Variants in RFX2 observed in about 807,000 individuals in gnomAD.
RFX2 encodes the protein regulatory factor X2.
In RFX2, 20 loss-of-function variants were observed where a neutral mutation model predicts 87.8. That is an observed-to-expected ratio of 0.23 (90% CI 0.16 to 0.33). The LOEUF (loss-of-function observed/expected upper bound fraction) is 0.33. RFX2 is among the 10% of genes least tolerant of loss of function. The pLI, the probability that RFX2 is intolerant of heterozygous loss-of-function variation, is 1.00. For synonymous variants in RFX2, 397 were observed against 431.3 expected (o/e 0.92, Z 0.98); for missense variants, 767 against 1,012.3 (o/e 0.76, Z 3.29).
chr19:6,028,268 A>G (rs759301133), intron 5 of RFX2, among the ~76,000 whole-genome samples: 7 of 151,936 alleles, frequency 4.6e-5, no homozygotes, highest in Non-Finnish European at 1.0e-4. Flanking sequence ...AAATCTGTAG[A>G]GTGCGTGACT....
chr19:6,057,894 G>A lies in RFX2; in HGVS notation c.-8-10390C>T, dbSNP rs75915449. 3.3e-5 allele frequency among the ~76,000 whole-genome samples: 5 copies of A among 152,070 alleles called. No homozygotes were observed. The South Asian group carries it at 6.2e-4, about 19-fold the overall frequency. Reference sequence around the variant, plus strand: ...GCTCCCCTCTGAGGGCCAGGTCCTCGGAGTAAGTGATGCGTGTTTTAAGAT... The same window carrying A: ...GCTCCCCTCTGAGGGCCAGGTCCTCAGAGTAAGTGATGCGTGTTTTAAGAT... On this transcript the variant is annotated intron_variant, in intron 1 of 17. Transcript: ENST00000303657.
intron 1 of RFX2, chr19:6,077,167 G>C (rs1430456106): frequency 2.6e-5 from 4 of 152,218 alleles, no homozygotes; most frequent in African/African-American, 9.7e-5. Flanking sequence ...CGGTGAGAGG[G>C]AGTGAGCCAG....
intron 6 of RFX2, among the ~76,000 whole-genome samples, chr19:6,025,181 T>C (rs535137512): frequency 6.6e-6 from 1 of 152,118 alleles, no homozygotes; most frequent in Non-Finnish European, 1.5e-5. Context: ...GTGAAAGCGA[T>C]GAGTCTGAGG....
At chr19:6,079,884 CAA>C (rs1160044956) in intron 1 of RFX2, among the ~76,000 whole-genome samples, 15,148 of 76,370 alleles carry the variant, frequency 0.2, 981 homozygotes, top group African/African-American at 0.26. Flanking sequence ...GACTCTGTCT[CAA>C]AAAAAAAAAA....
intron 12 of RFX2, among the ~76,000 whole-genome samples, chr19:6,006,806 T>A (rs10420873): frequency 0.023 from 3,492 of 151,380 alleles, 116 homozygotes; most frequent in African/African-American, 0.08. Flanking sequence ...CTGCCCAGGC[T>A]GGTCTCAAAC....
chr19:6,028,126 A>T (rs990603441), intron 5 of RFX2, among the ~76,000 whole-genome samples: 13 of 152,314 alleles, frequency 8.5e-5, no homozygotes, highest in African/African-American at 3.1e-4. Flanking sequence ...GATAATTTTT[A>T]AAAAGATGTA....
chr19:6,063,936 C>T lies in RFX2; in HGVS notation c.-8-16432G>A, dbSNP rs1042995810. On this transcript the variant is annotated intron_variant, in intron 1 of 17. Coordinates refer to ENST00000303657, the MANE Select transcript of RFX2 (RefSeq NM_000635.4). This position sits in a 1 kb window ranked among gnomAD's most constrained non-coding sequence, Gnocchi z 4.0. ...TCTAAGGCCACACCTTTACTCCACA[C>T]AGCATTTCCAGATTCACCAAACCAC... Among the ~76,000 whole-genome samples, 1 of 152,234 alleles carries T rather than the reference C, an allele frequency of 6.6e-6. No individual in the cohort carries two copies. Among genetic ancestry groups the T allele is most frequent in the Non-Finnish European group, 1.5e-5 (1 of 68,046 alleles).
chr19:6,002,628 G>T lies in RFX2; in HGVS notation c.1650+93C>A. On this transcript the variant is annotated intron_variant, in intron 14 of 17. Transcript: ENST00000303657. The surrounding 1 kb of genome is among the most constrained non-coding windows in gnomAD (Gnocchi z 6.7). The stretch of plus-strand genomic sequence containing the variant: ...AACCGTGGCCAGGCTCGGGGCAGGG[G>T]CCAGGTTGTGCCACGGGCTCCACTT... 6.7e-7 allele frequency: 1 copy of T among 1,493,782 alleles called. No individual in the cohort carries two copies. Among genetic ancestry groups the T allele is most frequent in the Non-Finnish European group, 9.2e-7 (1 of 1,087,532 alleles). The allele number at this position is 1,493,782 out of a possible 1,614,324, so 92.5% of individuals were successfully genotyped here.
chr19:5,998,928 T>C lies in RFX2; in HGVS notation c.1860-1715A>G, dbSNP rs1196083905. Among the ~76,000 whole-genome samples, 1 of 152,176 alleles carries C rather than the reference T, an allele frequency of 6.6e-6. No individual in the cohort carries two copies. The highest frequency in any genetic ancestry group is 1.5e-5 in the Non-Finnish European group (1 of 68,044). On this transcript the variant is annotated intron_variant, in intron 15 of 17. Coordinates refer to ENST00000303657, the MANE Select transcript of RFX2 (RefSeq NM_000635.4). The surrounding 1 kb of genome is among the most constrained non-coding windows in gnomAD (Gnocchi z 4.2). ...ACAGAAATAAATCCCGTAAACCTAATTTTTATTTTTTATGACTGCACTGCA... is the reference window on the plus strand; with the variant it reads ...ACAGAAATAAATCCCGTAAACCTAACTTTTATTTTTTATGACTGCACTGCA...
At chr19:6,035,824 G>C (rs1309856074) in intron 5 of RFX2, among the ~76,000 whole-genome samples, 2 of 150,590 alleles carry the variant, frequency 1.3e-5, no homozygotes, top group Non-Finnish European at 2.9e-5. Context: ...TATCCAAGAT[G>C]ATGACTCCCC....
intron 1 of RFX2, among the ~76,000 whole-genome samples, chr19:6,077,621 T>A (rs2087710490): frequency 6.6e-6 from 1 of 152,210 alleles, no homozygotes; most frequent in Non-Finnish European, 1.5e-5. Flanking sequence ...ATACCAATGT[T>A]CACAGCAGCG....
At chr19:6,094,488 T>C (rs1267867408) in intron 1 of RFX2, among the ~76,000 whole-genome samples, 1 of 152,156 alleles carries the variant, frequency 6.6e-6, no homozygotes, top group East Asian at 1.9e-4. Context: ...ACTTTGTCAG[T>C]GACCTTATGT....
chr19:6,054,877 A>C (rs1226275459), intron 1 of RFX2, among the ~76,000 whole-genome samples: 1 of 152,228 alleles, frequency 6.6e-6, no homozygotes, highest in Non-Finnish European at 1.5e-5. Flanking sequence ...CAAAATTTAA[A>C]ACCTCTGCTC....
chr19:6,019,151 T>A (rs1387264338), intron 6 of RFX2, among the ~76,000 whole-genome samples: 1 of 152,154 alleles, frequency 6.6e-6, no homozygotes, highest in Admixed American at 6.5e-5. Flanking sequence ...TGTGCTTGGC[T>A]GTGCCCATAA....
intron 1 of RFX2, among the ~76,000 whole-genome samples, chr19:6,102,649 C>T (rs568444216): frequency 6.6e-6 from 1 of 152,340 alleles, no homozygotes; most frequent in African/African-American, 2.4e-5. Flanking sequence ...TTTGTACCTG[C>T]TGCCCCCTTC....
chr19:6,087,145 A>G (rs557243649), intron 1 of RFX2, among the ~76,000 whole-genome samples: 5 of 152,180 alleles, frequency 3.3e-5, no homozygotes, highest in African/African-American at 1.2e-4. Context: ...GCACAGGCAG[A>G]TGGTCGCAGC....
intron 3 of RFX2, among the ~76,000 whole-genome samples, chr19:6,043,051 CG>C (rs2087133484): frequency 6.6e-6 from 1 of 152,184 alleles, no homozygotes. Context: ...ACTTGTCCAA[CG>C]CACCACCCCC....
chr19:6,095,468 TTC>T (rs2088008013), intron 1 of RFX2, among the ~76,000 whole-genome samples: 13 of 152,288 alleles, frequency 8.5e-5, no homozygotes, highest in African/African-American at 3.1e-4. Flanking sequence ...ACACAGATAA[TTC>T]CTTACGTGGC....
rs7251949 is a variant in RFX2 at position 6,024,876 on chromosome 19, G to C, written c.597+1287C>G. Among the ~76,000 whole-genome samples the C allele has an allele frequency of 5.2e-3, 570 of 110,346 alleles. No individual in the cohort carries two copies. Among genetic ancestry groups the C allele is most frequent in the African/African-American group, 0.042 (496 of 11,948 alleles). The allele number at this position is 110,346 out of a possible 152,430, so 72.4% of individuals were successfully genotyped here. ...ACGGGATCACGGTGAGGACGGGAGT[G>C]AGGACGGGATCACGGTGAGGACGGG... On this transcript the variant is annotated intron_variant, in intron 6 of 17. Coordinates refer to ENST00000303657, the MANE Select transcript of RFX2 (RefSeq NM_000635.4). This position sits in a 1 kb window ranked among gnomAD's most constrained non-coding sequence, Gnocchi z 5.0.
Sources: gnomAD v4.1 joint callset for allele counts (sites outside exome capture counted in the v4.1 genomes callset) on GRCh38, gnomAD v4.1.1 for gene constraint, Gnocchi (gnomAD v3.1) non-coding constraint, MANE v1.5 for transcripts, NCBI Gene and HGNC (gene_info 2026-07-23, HGNC 2026-07-21) for gene names.